The following SLC24A2 variants were observed in gnomAD, a reference collection of about 807,000 sequenced individuals.
The protein encoded by SLC24A2 is sodium/potassium/calcium exchanger 2.
In SLC24A2, 36 loss-of-function variants were observed where a neutral mutation model predicts 62.0. That is an observed-to-expected ratio of 0.58 (90% confidence interval 0.44 to 0.77). The LOEUF is 0.77. SLC24A2 is among the 30% of genes least tolerant of loss of function. The pLI, the probability that SLC24A2 is intolerant of heterozygous loss-of-function variation, is 0.00. For missense variants in SLC24A2, 846 were observed against 817.9 expected, an observed-to-expected ratio of 1.03 and a Z score of -0.42; for synonymous variants, 358 against 294.0, an observed-to-expected ratio of 1.22 and a Z score of -2.23.
the SLC24A2 span, among the ~76,000 whole-genome samples, chr9:20,277,153 T>TA: frequency 2.0e-4 from 30 of 152,270 alleles, no homozygotes; most frequent in African/African-American, 6.7e-4. Flanking sequence ...ACCTAGGCAA[T>TA]ACCATTCAGG....
the SLC24A2 span, among the ~76,000 whole-genome samples, chr9:19,882,196 A>G: frequency 6.6e-6 from 1 of 152,132 alleles, no homozygotes; most frequent in Admixed American, 6.6e-5. Flanking sequence ...ATATTATACC[A>G]ATACAAGATA....
At chr9:19,541,537 C>G (rs1207697533) in intron 8 of SLC24A2, among the ~76,000 whole-genome samples, 1 of 146,768 alleles carries the variant, frequency 6.8e-6, no homozygotes, top group African/African-American at 2.6e-5. Flanking sequence ...GGGTCAGGGA[C>G]CCAATTGAGG....
At chr9:19,525,126 A>G (rs1434980717) in intron 9 of SLC24A2, among the ~76,000 whole-genome samples, 1 of 152,184 alleles carries the variant, frequency 6.6e-6, no homozygotes, top group African/African-American at 2.4e-5. Flanking sequence ...ACTCCAAGGC[A>G]CAGAGAACTT....
chr9:19,813,206 T>C, the SLC24A2 span, among the ~76,000 whole-genome samples: 1 of 152,066 alleles, frequency 6.6e-6, no homozygotes, highest in East Asian at 1.9e-4. Context: ...CCTCTGTTTC[T>C]GCAAAGCCTG....
At chr9:20,085,917 C>G in the SLC24A2 span, among the ~76,000 whole-genome samples, 696 of 152,054 alleles carry the variant, frequency 4.6e-3, 12 homozygotes, top group African/African-American at 0.015. Flanking sequence ...CCAATTTAAC[C>G]TGAATATAGT....
the SLC24A2 span, among the ~76,000 whole-genome samples, chr9:20,110,439 A>C: frequency 6.7e-6 from 1 of 149,258 alleles, no homozygotes; most frequent in African/African-American, 2.5e-5. Flanking sequence ...AAGTAGTCCA[A>C]CTTCTTTCAC....
the SLC24A2 span, among the ~76,000 whole-genome samples, chr9:19,833,825 C>T: frequency 6.6e-6 from 1 of 152,254 alleles, no homozygotes. Flanking sequence ...GGGGCACCCC[C>T]AACTAGGGGC....
At chr9:19,703,299 C>G (rs1261906982) in intron 2 of SLC24A2, among the ~76,000 whole-genome samples, 1 of 152,162 alleles carries the variant, frequency 6.6e-6, no homozygotes, top group Non-Finnish European at 1.5e-5. Context: ...TTCTTCAATA[C>G]TCAGTAAATG....
At chr9:19,556,397 G>T (rs1295090675) in intron 7 of SLC24A2, among the ~76,000 whole-genome samples, 1 of 152,178 alleles carries the variant, frequency 6.6e-6, no homozygotes, top group Non-Finnish European at 1.5e-5. Context: ...TGTCTGTGAA[G>T]GGCACTGAGC....
At chr9:19,758,438 T>C (rs1238486842) in intron 2 of SLC24A2, among the ~76,000 whole-genome samples, 1 of 152,154 alleles carries the variant, frequency 6.6e-6, no homozygotes, top group Non-Finnish European at 1.5e-5. Flanking sequence ...CAACCATAAA[T>C]AACCTGTTTG....
At chr9:20,196,274 G>A in the SLC24A2 span, among the ~76,000 whole-genome samples, 3 of 152,182 alleles carry the variant, frequency 2.0e-5, no homozygotes, top group Non-Finnish European at 4.4e-5. Context: ...AAAGAAATAA[G>A]TAGAAGGCTT....
the SLC24A2 span, among the ~76,000 whole-genome samples, chr9:19,839,917 T>C: frequency 1.3e-5 from 2 of 152,190 alleles, no homozygotes; most frequent in Non-Finnish European, 2.9e-5. Context: ...CCAGAAGCAA[T>C]AGGCTATACC....
chr9:19,779,793 C>T (rs1822956270), intron 2 of SLC24A2, among the ~76,000 whole-genome samples: 1 of 152,196 alleles, frequency 6.6e-6, no homozygotes, highest in African/African-American at 2.4e-5. Context: ...GGCGCGGTGG[C>T]TCACGCCTGT....
At chr9:20,118,748 A>T in the SLC24A2 span, among the ~76,000 whole-genome samples, 1 of 152,262 alleles carries the variant, frequency 6.6e-6, no homozygotes, top group South Asian at 2.1e-4. Flanking sequence ...GAAGACCAAA[A>T]ATAATAGGCT....
the SLC24A2 span, among the ~76,000 whole-genome samples, chr9:19,844,824 G>A: frequency 1.3e-5 from 2 of 152,102 alleles, no homozygotes; most frequent in Non-Finnish European, 2.9e-5. Flanking sequence ...TCAGATGGCT[G>A]TAGGTGCACA....
the SLC24A2 span, among the ~76,000 whole-genome samples, chr9:20,277,412 A>G: frequency 6.6e-6 from 1 of 151,684 alleles, no homozygotes; most frequent in Non-Finnish European, 1.5e-5. Flanking sequence ...CAACCCCATC[A>G]AAAAGTGGGC....
the SLC24A2 span, among the ~76,000 whole-genome samples, chr9:20,097,733 T>TTTTTTTA: frequency 1.5e-5 from 1 of 66,484 alleles, no homozygotes; most frequent in African/African-American, 6.9e-5. Context: ...TTTTTTTTTT[T>TTTTTTTA]TTTTTTTTTT....
At chr9:19,825,984 A>ATTG in the SLC24A2 span, among the ~76,000 whole-genome samples, 1 of 152,082 alleles carries the variant, frequency 6.6e-6, no homozygotes, top group African/African-American at 2.4e-5. Context: ...CATGGGTTAA[A>ATTG]TTGTTGATGT....
the SLC24A2 span, among the ~76,000 whole-genome samples, chr9:20,075,877 A>G: frequency 8.5e-5 from 13 of 152,164 alleles, no homozygotes; most frequent in African/African-American, 3.1e-4. Context: ...ACCTCTCTCA[A>G]ATACCAAAAT....
Sources: gnomAD v4.1 joint callset for allele counts (sites outside exome capture counted in the v4.1 genomes callset) on GRCh38, gnomAD v4.1.1 for gene constraint, MANE v1.5 for transcripts, NCBI Gene and HGNC (gene_info 2026-07-23, HGNC 2026-07-21) for gene names.